Variants in MRTFB observed in about 807,000 individuals in gnomAD.
The protein encoded by MRTFB is myocardin related transcription factor B, also known as myocardin-related transcription factor B.
In MRTFB, 29 loss-of-function variants were observed where a neutral mutation model predicts 104.2. That is an observed-to-expected ratio of 0.28 (90% CI 0.21 to 0.38). MRTFB has a LOEUF of 0.38. MRTFB is among the 10% of genes least tolerant of loss of function. The pLI is 1.00. For synonymous variants in MRTFB, 535 were observed against 519.5 expected, an observed-to-expected ratio of 1.03 and a Z score of -0.41; for missense variants, 1,270 against 1,341.6, an observed-to-expected ratio of 0.95 and a Z score of 0.83.
intron 10 of MRTFB, among the ~76,000 whole-genome samples, chr16:14,243,218 A>C (rs191329477): frequency 6.8e-4 from 103 of 152,372 alleles, no homozygotes; most frequent in Admixed American, 3.3e-3. Flanking sequence ...CAATGATAAG[A>C]AACTTCATCC....
chr16:14,113,489 G>A (rs1175197077), intron 2 of MRTFB, among the ~76,000 whole-genome samples: 1 of 152,250 alleles, frequency 6.6e-6, no homozygotes, highest in Non-Finnish European at 1.5e-5. Flanking sequence ...AGGAGGAAAT[G>A]ATTTATTCGC....
the MRTFB span, among the ~76,000 whole-genome samples, chr16:14,007,766 G>T: frequency 6.6e-6 from 1 of 152,136 alleles, no homozygotes; most frequent in Admixed American, 6.6e-5. Context: ...CACCCTAGTG[G>T]GTGTGAAGTG....
the MRTFB span, among the ~76,000 whole-genome samples, chr16:14,029,443 T>TACACACACAC: frequency 6.1e-5 from 4 of 65,284 alleles, no homozygotes; most frequent in African/African-American, 1.5e-4. Flanking sequence ...TATATATATA[T>TACACACACAC]ATACACACAC....
upstream of MRTFB, among the ~76,000 whole-genome samples, chr16:14,067,819 A>G (rs1171540923): frequency 6.6e-6 from 1 of 152,118 alleles, no homozygotes; most frequent in African/African-American, 2.4e-5. Flanking sequence ...CAGAAATATA[A>G]TTAAAAACTA....
chr16:14,177,239 G>A lies in MRTFB; in HGVS notation c.155-33004G>A, dbSNP rs1026204351. 2.0e-5 allele frequency among the ~76,000 whole-genome samples: 3 copies of A among 152,204 alleles called. No individual in the cohort carries two copies. Among genetic ancestry groups the A allele is most frequent in the African/African-American group, 4.8e-5 (2 of 41,448 alleles). ...GGTGGACTGACTTAAGGAGATAGAG[G>A]AGAGGCATGGAAGAGGTTTGGTCAG... On this transcript the variant is annotated intron_variant, in intron 3 of 16. Coordinates refer to ENST00000571589, the MANE Select transcript of MRTFB (RefSeq NM_001308142.2). This position sits in a 1 kb window ranked among gnomAD's most constrained non-coding sequence, Gnocchi z 4.7.
the MRTFB span, among the ~76,000 whole-genome samples, chr16:14,010,469 T>C: frequency 6.6e-5 from 10 of 152,188 alleles, no homozygotes; most frequent in East Asian, 1.9e-3. Flanking sequence ...CTACCATAAT[T>C]TTTTAATTTT....
At chr16:14,138,625 C>T (rs1408320181) in intron 2 of MRTFB, among the ~76,000 whole-genome samples, 1 of 152,138 alleles carries the variant, frequency 6.6e-6, no homozygotes, top group African/African-American at 2.4e-5. Flanking sequence ...GTTCTTTTTG[C>T]CTTAGCTGGG....
At chr16:14,235,906 T>A (rs989403649) in intron 9 of MRTFB, among the ~76,000 whole-genome samples, 5 of 152,232 alleles carry the variant, frequency 3.3e-5, no homozygotes, top group African/African-American at 9.6e-5. Flanking sequence ...TATAGCCAGG[T>A]GCAGTGGCTC....
At chr16:14,009,573 A>T in the MRTFB span, 1 of 152,194 alleles carries the variant, frequency 6.6e-6, no homozygotes, top group African/African-American at 2.4e-5. Context: ...AGTAGTAGAC[A>T]TCCTTTTCTT....
chr16:14,096,383 A>G (rs2035376129), intron 2 of MRTFB, among the ~76,000 whole-genome samples: 1 of 152,178 alleles, frequency 6.6e-6, no homozygotes. Flanking sequence ...GCAACCTGAG[A>G]TTTAGAAAAG....
At chr16:14,241,131 G>C (rs1029850787) in intron 10 of MRTFB, 1 of 250,740 alleles carries the variant, frequency 4.0e-6, no homozygotes, top group Non-Finnish European at 7.5e-6. Flanking sequence ...GATAGACAAC[G>C]GAGTGCTTCA....
chr16:14,016,303 A>G, the MRTFB span, among the ~76,000 whole-genome samples: 1 of 152,046 alleles, frequency 6.6e-6, no homozygotes, highest in Non-Finnish European at 1.5e-5. Context: ...ACCCTGGAAT[A>G]AGGCTCCTCC....
intron 2 of MRTFB, among the ~76,000 whole-genome samples, chr16:14,139,424 G>A (rs554512572): frequency 1.3e-5 from 2 of 152,312 alleles, no homozygotes; most frequent in Admixed American, 6.5e-5. Context: ...TACCGAGGAT[G>A]TGGAACAACT....
At chr16:14,247,864 C>G (rs1283736800) in intron 12 of MRTFB, 4 of 205,370 alleles carry the variant, frequency 1.9e-5, no homozygotes, top group East Asian at 2.4e-4. Context: ...GCCGGCTTCA[C>G]TTAATCCTCC....
In MRTFB at chr16:14,261,264, T is replaced by A. The variant is rs901717457; in HGVS notation, c.3120T>A (p.Phe1040Leu). The A allele has an allele frequency of 1.5e-5, 24 of 1,614,028 alleles. No homozygotes were observed. Among genetic ancestry groups the A allele is most frequent in the Non-Finnish European group, 2.0e-5 (24 of 1,180,034 alleles). The change falls in exon 17 of 17, where the codon TTT (phenylalanine) becomes TTA (leucine). Residue 1040 changes from phenylalanine to leucine, a missense_variant. Transcript: ENST00000571589. ...HSPMETSETQ[F>L]AAGTPCLSLD... ...CCATGGAGACTTCCGAGACCCAGTT[T>A]GCTGCAGGTACTCCCTGTCTGTCTC...
chr16:14,251,829 A>G, intron 13 of MRTFB, 33 bp from the exon 14 acceptor site: 2 of 1,606,108 alleles, frequency 1.2e-6, no homozygotes, highest in Non-Finnish European at 8.5e-7. Context: ...AAGCCAAAGA[A>G]CAAATTAATG....
intron 8 of MRTFB, among the ~76,000 whole-genome samples, chr16:14,227,087 A>C (rs2042038063): frequency 6.6e-6 from 1 of 152,182 alleles, no homozygotes; most frequent in Non-Finnish European, 1.5e-5. Flanking sequence ...CATATATCTT[A>C]TAAGGATTTG....
upstream of MRTFB, chr16:14,071,299 C>G: frequency 6.2e-6 from 1 of 160,246 alleles, no homozygotes. Flanking sequence ...GGGGGAGTGC[C>G]GAGGGGAGCG....
At chr16:14,115,868 C>T (rs1316111304) in intron 2 of MRTFB, among the ~76,000 whole-genome samples, 2 of 152,176 alleles carry the variant, frequency 1.3e-5, no homozygotes, top group Non-Finnish European at 2.9e-5. Flanking sequence ...GTCTGAGTCT[C>T]CCTTGAGTGC....
Sources: allele counts gnomAD v4.1 joint callset (sites outside exome capture counted in the v4.1 genomes callset), GRCh38; gene constraint gnomAD v4.1.1; non-coding constraint Gnocchi (gnomAD v3.1); transcripts MANE v1.5; gene names NCBI Gene and HGNC (gene_info 2026-07-23, HGNC 2026-07-21).